ALMS1: variants seen among roughly 807,000 people sequenced by gnomAD.
ALMS1 encodes ALMS1 centrosome and basal body associated protein.
A neutral mutation model predicts 352.2 loss-of-function variants in ALMS1; 271 were observed. The ratio of observed to expected loss-of-function variants is 0.77; its 90% CI spans 0.70 to 0.85. ALMS1 has a LOEUF of 0.85. Among genes scored for constraint, ALMS1 ranks in the 40% least tolerant of loss-of-function variants. The pLI is 0.00. For synonymous variants in ALMS1, 1,865 were observed against 1,761.2 expected, an observed-to-expected ratio of 1.06 and a Z score of -1.48; for missense variants, 5,445 against 4,870.7, an observed-to-expected ratio of 1.12 and a Z score of -3.51.
At chr2:73,560,985 C>T (rs1573021191) in intron 15 of ALMS1, among the ~76,000 whole-genome samples, 1 of 152,220 alleles carries the variant, frequency 6.6e-6, no homozygotes, top group African/African-American at 2.4e-5. Flanking sequence ...TTTATACACA[C>T]TTCACAAAAG....
chr2:73,454,372 T>A (rs1249169268), intron 8 of ALMS1: 3 of 985,054 alleles, frequency 3.0e-6, no homozygotes, highest in Non-Finnish European at 3.6e-6. Context: ...TGACAGAGAG[T>A]AAAGAGGTCG....
At chr2:73,563,735 A>C (rs550993987) in intron 15 of ALMS1, among the ~76,000 whole-genome samples, 1 of 134,468 alleles carries the variant, frequency 7.4e-6, no homozygotes, top group African/African-American at 2.9e-5. Context: ...AAAAAAAAAA[A>C]AAAAATAAAA....
chr2:73,575,960 T>A (rs1675045071), intron 16 of ALMS1, among the ~76,000 whole-genome samples: 1 of 152,202 alleles, frequency 6.6e-6, no homozygotes, highest in Non-Finnish European at 1.5e-5. Flanking sequence ...AGCTTTTACT[T>A]TTAGGTCTTT....
At chr2:73,392,229 C>T (rs1670665231) in intron 1 of ALMS1, among the ~76,000 whole-genome samples, 1 of 148,988 alleles carries the variant, frequency 6.7e-6, no homozygotes, top group South Asian at 2.1e-4. Context: ...GTTCAGTTTT[C>T]ATCTTTTACT....
intron 11 of ALMS1, among the ~76,000 whole-genome samples, chr2:73,531,416 C>G (rs1055223650): frequency 6.6e-6 from 1 of 152,184 alleles, no homozygotes; most frequent in Non-Finnish European, 1.5e-5. Context: ...TATGCCAGTT[C>G]CCAACAAGTT....
chr2:73,441,099 C>G (rs982169568), intron 7 of ALMS1, among the ~76,000 whole-genome samples: 1 of 152,110 alleles, frequency 6.6e-6, no homozygotes, highest in African/African-American at 2.4e-5. Flanking sequence ...CTGGGCCTGC[C>G]CCTGGACCAA....
intron 10 of ALMS1, among the ~76,000 whole-genome samples, chr2:73,497,302 A>T (rs1234531251): frequency 1.3e-5 from 2 of 151,640 alleles, no homozygotes; most frequent in Middle Eastern, 3.2e-3. Context: ...TTAATTTTTA[A>T]ATTTTCATTT....
intron 21 of ALMS1, among the ~76,000 whole-genome samples, chr2:73,607,810 A>ATTTTTTTTTTTTTTTTTT (rs537392249): frequency 3.8e-5 from 5 of 131,470 alleles, no homozygotes; most frequent in African/African-American, 1.1e-4. Flanking sequence ...TGCCCACCTA[A>ATTTTTTTTTTTTTTTTTT]TTTTTTTTTT....
Position 73,417,485 on chromosome 2 carries a change from G to A in ALMS1, c.451-1638G>A, listed in dbSNP as rs1024576318. On this transcript the variant is annotated intron_variant, in intron 2 of 22. Transcript: ENST00000613296. ...ATTAATCTTAGTTGTGACCATATATGTGTGAAAATGTTAAAGAATATGCTA... is the reference window on the plus strand; with the variant it reads ...ATTAATCTTAGTTGTGACCATATATATGTGAAAATGTTAAAGAATATGCTA... Among the ~76,000 whole-genome samples, 3 of 152,292 alleles carry A rather than the reference G, an allele frequency of 2.0e-5. 1 individual carries two copies.
Position 73,454,084 on chromosome 2 carries a change from A to G in ALMS1, c.7540+17A>G, listed in dbSNP as rs760021552. ...GAGCACATGGTAAGAAGAAAGTTTC[A>G]GGCTTATAAACGTTATAGTTTAATA... On this transcript the variant is annotated intron_variant, in intron 8 of 22. Transcript: ENST00000613296. The G allele has an allele frequency of 2.5e-6, 4 of 1,594,612 alleles. No individual in the cohort carries two copies. The East Asian group carries it at 9.3e-5, about 37-fold the overall frequency.
intron 10 of ALMS1, among the ~76,000 whole-genome samples, chr2:73,510,693 A>G (rs994893974): frequency 2.0e-5 from 3 of 152,192 alleles, no homozygotes; most frequent in South Asian, 2.1e-4. Context: ...CACGGGGGTC[A>G]GGGACCCACT....
At chr2:73,499,191 T>C (rs574505997) in intron 10 of ALMS1, among the ~76,000 whole-genome samples, 5 of 152,240 alleles carry the variant, frequency 3.3e-5, no homozygotes, top group African/African-American at 1.2e-4. Flanking sequence ...GTGTTTTGAT[T>C]GGATTATTAG....
intron 12 of ALMS1, among the ~76,000 whole-genome samples, chr2:73,538,457 G>A (rs1674080930): frequency 6.6e-6 from 1 of 152,186 alleles, no homozygotes; most frequent in African/African-American, 2.4e-5. Context: ...CCCAGTGTGA[G>A]CGATGCAGAA....
intron 16 of ALMS1, among the ~76,000 whole-genome samples, chr2:73,578,571 T>C (rs142414541): frequency 8.7e-4 from 133 of 152,266 alleles, no homozygotes; most frequent in African/African-American, 3.0e-3. Flanking sequence ...ACAATTAATA[T>C]CTTAAACATG....
At chr2:73,528,673 ATT>A (rs138974252) in intron 11 of ALMS1, among the ~76,000 whole-genome samples, 2,922 of 151,042 alleles carry the variant, frequency 0.019, 110 homozygotes, top group African/African-American at 0.065. Flanking sequence ...TTTTTTTTGC[ATT>A]CATTCAACCA....
rs1290800821 is a variant in ALMS1 at position 73,600,716 on chromosome 2, C to T, written c.11707C>T (p.Arg3903Ter). 5 of 1,614,074 alleles carry T rather than the reference C, an allele frequency of 3.1e-6. No homozygotes were observed. The highest frequency in any genetic ancestry group is 2.2e-5 in the East Asian group (1 of 44,886). Residue 3903 changes from arginine to a stop codon, truncating the protein, a stop_gained, in exon 18 of 23, where the codon CGA (arginine) becomes TGA (stop). Coordinates refer to ENST00000613296, the MANE Select transcript of ALMS1 (RefSeq NM_001378454.1). LOFTEE classifies it high-confidence loss of function. ...EIVNGAKKHT[R>*]DVGITFPTPS... ...TGTGAACGGTGCCAAAAAACACACT[C>T]GAGATGTTGGGATAACTTTCCCAAC...
intron 12 of ALMS1, among the ~76,000 whole-genome samples, chr2:73,540,798 G>C (rs866682003): frequency 8.5e-5 from 13 of 152,220 alleles, no homozygotes; most frequent in African/African-American, 3.1e-4. Flanking sequence ...TAATGGTAAA[G>C]GGATCAATTC....
chr2:73,406,138 C>T (rs1289937919), intron 1 of ALMS1, among the ~76,000 whole-genome samples: 1 of 152,146 alleles, frequency 6.6e-6, no homozygotes, highest in African/African-American at 2.4e-5. Flanking sequence ...TTTTGGAGAG[C>T]TCCCTTCAAT....
At chr2:73,496,388 T>C (rs536849160) in intron 10 of ALMS1, among the ~76,000 whole-genome samples, 84 of 152,330 alleles carry the variant, frequency 5.5e-4, no homozygotes, top group African/African-American at 1.9e-3. Context: ...AAAATGCATT[T>C]GACACATCCA....
Sources: gnomAD v4.1 joint callset for allele counts (sites outside exome capture counted in the v4.1 genomes callset) on GRCh38, gnomAD v4.1.1 for gene constraint, MANE v1.5 for transcripts, NCBI Gene and HGNC (gene_info 2026-07-23, HGNC 2026-07-21) for gene names.